The following RERE variants were observed in gnomAD, a reference collection of about 807,000 sequenced individuals.
The protein encoded by RERE is arginine-glutamic acid dipeptide repeats protein.
In RERE, 40 loss-of-function variants were observed where a neutral mutation model predicts 146.1. The ratio of observed to expected loss-of-function variants is 0.27; its 90% CI spans 0.21 to 0.36. The LOEUF is 0.36. RERE is among the 10% of genes least tolerant of loss of function. RERE has a pLI of 1.00. For missense variants in RERE, 1,933 were observed against 2,138.7 expected (o/e 0.90, Z 1.90); for synonymous variants, 1,003 against 866.0 (o/e 1.16, Z -2.78).
At chr1:8,425,087 G>A (rs1380919303) in intron 11 of RERE, 1 of 152,316 alleles carries the variant, frequency 6.6e-6, no homozygotes, top group Non-Finnish European at 1.5e-5. Flanking sequence ...CAGTGGCAGT[G>A]TGGCCTAAGT....
Position 8,525,746 on chromosome 1 carries a change from G to A in RERE, c.830+15468C>T, listed in dbSNP as rs746287657. Reference sequence around the variant, plus strand: ...CATCACTGTTTCGGTGAGGCCAGGGGAAGATAGCCTACCTGCAGGGGCTGA... The same window carrying A: ...CATCACTGTTTCGGTGAGGCCAGGGAAAGATAGCCTACCTGCAGGGGCTGA... On this transcript the variant is annotated intron_variant, in intron 7 of 22. Coordinates refer to ENST00000400908, the MANE Select transcript of RERE (RefSeq NM_001042681.2). 5 of 1,595,220 alleles carry A rather than the reference G, an allele frequency of 3.1e-6. No homozygotes were observed. The African/African-American group carries it at 4.1e-5, about 13-fold the overall frequency.
At chr1:8,712,117 C>T (rs1170971738) in intron 1 of RERE, among the ~76,000 whole-genome samples, 1 of 152,168 alleles carries the variant, frequency 6.6e-6, no homozygotes, top group Non-Finnish European at 1.5e-5. Context: ...AAAATATACA[C>T]TCAAACATTA....
intron 8 of RERE, among the ~76,000 whole-genome samples, chr1:8,505,070 C>G (rs937991666): frequency 1.3e-5 from 2 of 152,136 alleles, no homozygotes; most frequent in Admixed American, 6.5e-5. Flanking sequence ...ATCTAGACTG[C>G]AGAACACCCT....
At chr1:8,489,593 A>ACC (rs1644949171) in intron 10 of RERE, among the ~76,000 whole-genome samples, 1 of 152,190 alleles carries the variant, frequency 6.6e-6, no homozygotes, top group African/African-American at 2.4e-5. Context: ...CAACCCTATT[A>ACC]AATTAGGAAA....
At chr1:8,415,665 G>A (rs778422503) in intron 12 of RERE, among the ~76,000 whole-genome samples, 11 of 152,222 alleles carry the variant, frequency 7.2e-5, no homozygotes, top group African/African-American at 1.4e-4. Flanking sequence ...AGTCTCTTAC[G>A]TACTTCACTT....
intron 12 of RERE, among the ~76,000 whole-genome samples, chr1:8,418,726 A>C (rs753102738): frequency 2.0e-5 from 3 of 152,196 alleles, no homozygotes; most frequent in Non-Finnish European, 4.4e-5. Context: ...AAATCAAACA[A>C]AAAATTATTT....
chr1:8,364,713 G>T lies in RERE; in HGVS notation c.1540+33C>A. ...AGAACATGGAAGTGCTTGTGCCCCC[G>T]CCCCGCCCCAGGAGCGTGACGAGGC... On this transcript the variant is annotated intron_variant, in intron 14 of 22. Coordinates refer to ENST00000400908, the MANE Select transcript of RERE (RefSeq NM_001042681.2). This position sits in a 1 kb window ranked among gnomAD's most constrained non-coding sequence, Gnocchi z 5.1. 1 of 1,534,722 alleles carries T rather than the reference G, an allele frequency of 6.5e-7. No individual in the cohort carries two copies. The highest frequency in any genetic ancestry group is 1.7e-4 in the Middle Eastern group (1 of 5,906).
chr1:8,408,912 TG>T (rs1487001411), intron 12 of RERE, among the ~76,000 whole-genome samples: 2 of 152,118 alleles, frequency 1.3e-5, no homozygotes, highest in African/African-American at 4.8e-5. Flanking sequence ...ATGCTGTGTT[TG>T]GGGGTCCCCC....
intron 1 of RERE, among the ~76,000 whole-genome samples, chr1:8,736,851 G>GAAAAAAAAA (rs34872965): frequency 1.0e-5 from 1 of 99,806 alleles, no homozygotes; most frequent in Non-Finnish European, 2.0e-5. Context: ...AAGCAAGGGG[G>GAAAAAAAAA]AAAAAAAAAA....
chr1:8,710,106 T>C (rs2124454881), intron 1 of RERE, among the ~76,000 whole-genome samples: 1 of 152,334 alleles, frequency 6.6e-6, no homozygotes, highest in Non-Finnish European at 1.5e-5. Flanking sequence ...TCAAGCTGTT[T>C]CTGTGTTTGT....
chr1:8,459,578 G>C (rs1644499814), intron 11 of RERE, among the ~76,000 whole-genome samples: 1 of 152,136 alleles, frequency 6.6e-6, no homozygotes, highest in Non-Finnish European at 1.5e-5. Context: ...TAATTTCAAT[G>C]TTCTGACTCA....
chr1:8,379,092 C>A (rs933079299), intron 12 of RERE, among the ~76,000 whole-genome samples: 6 of 152,226 alleles, frequency 3.9e-5, no homozygotes, highest in African/African-American at 1.4e-4. Flanking sequence ...AACTCCAGAA[C>A]AGCTCTCAGA....
chr1:8,697,883 C>T (rs1639368698), intron 1 of RERE, among the ~76,000 whole-genome samples: 1 of 152,062 alleles, frequency 6.6e-6, no homozygotes, highest in Non-Finnish European at 1.5e-5. Context: ...AAAAAAAGTT[C>T]ATATTAGGGA....
At position 8,375,444 on chromosome 1, in the gene RERE, C is replaced by T. The variant is rs540705135; in HGVS notation, c.1285-9470G>A. On this transcript the variant is annotated intron_variant, in intron 12 of 22. Transcript: ENST00000400908. ...GCCAGTGAAAACGCAATCCACATGC[C>T]GATGTTTGGAAGTGGCTGCTCTGAA... Among the ~76,000 whole-genome samples, 7 of 152,324 alleles carry T rather than the reference C, an allele frequency of 4.6e-5. No homozygotes were observed. In the East Asian group the frequency reaches 5.8e-4, roughly 13 times the overall value.
chr1:8,812,410 G>A (rs1641829004), intron 1 of RERE, among the ~76,000 whole-genome samples: 1 of 152,222 alleles, frequency 6.6e-6, no homozygotes, highest in Non-Finnish European at 1.5e-5. Context: ...CCTTTAGGAA[G>A]CCAAGGCAGG....
At chr1:8,401,391 G>A (rs780556464) in intron 12 of RERE, among the ~76,000 whole-genome samples, 28 of 151,588 alleles carry the variant, frequency 1.8e-4, no homozygotes, top group Non-Finnish European at 3.4e-4. Flanking sequence ...GCAGTGAGCC[G>A]AGATCCTGCC....
chr1:8,365,914 C>T lies in RERE; in HGVS notation c.1345G>A (p.Ala449Thr), dbSNP rs1483445484. ...GCCTGCCTGCGGTGCCTACGATGGGCTCGGGAGCTGGCTGCTTCGGGGGTC... is the reference window on the plus strand; with the variant it reads ...GCCTGCCTGCGGTGCCTACGATGGGTTCGGGAGCTGGCTGCTTCGGGGGTC... ...KKTPEAASSR[A>T]HRRHRRQAVF... Residue 449 changes from alanine to threonine, a missense_variant, in exon 13 of 23, where the codon GCC becomes ACC. Ala to Thr is a moderately conservative substitution (Grantham distance 58). Around this residue, in one of 11 missense-constraint regions of RERE, gnomAD observed 260 missense variants for 378.4 expected, o/e 0.69. Transcript: ENST00000400908. 3.7e-6 allele frequency: 6 copies of T among 1,614,144 alleles called. No homozygotes were observed. The highest frequency in any genetic ancestry group is 5.1e-6 in the Non-Finnish European group (6 of 1,180,040).
At chr1:8,602,553 T>C (rs1453114328) in intron 4 of RERE, among the ~76,000 whole-genome samples, 2 of 150,480 alleles carry the variant, frequency 1.3e-5, no homozygotes, top group African/African-American at 2.4e-5. Context: ...TTGAGCTATA[T>C]ACCGATGTCT....
Position 8,354,998 on chromosome 1 carries a change from T to G in RERE, c.*89A>C. On this transcript the variant is annotated 3_prime_UTR_variant, in exon 23 of 23. Coordinates refer to ENST00000400908, the MANE Select transcript of RERE (RefSeq NM_001042681.2). The stretch of plus-strand genomic sequence containing the variant: ...AGAAATCTTTAGAAGATATTCTTTT[T>G]GCTTTTGCAGCTCCTATTTTATGTA... 1 of 1,031,828 alleles carries G rather than the reference T, an allele frequency of 9.7e-7. No homozygotes were observed. Among genetic ancestry groups the G allele is most frequent in the Non-Finnish European group, 1.5e-6 (1 of 676,236 alleles). 63.9% of individuals were successfully genotyped at this position (1,031,828 alleles called of 1,614,324 possible). A position where few individuals can be genotyped will look rare whatever the true frequency, so the allele number is the denominator to read the frequency against.
Sources: gnomAD v4.1 joint callset for allele counts (sites outside exome capture counted in the v4.1 genomes callset) on GRCh38, gnomAD v4.1.1 for gene constraint, gnomAD v4.1.1 regional missense constraint, Gnocchi (gnomAD v3.1) non-coding constraint, MANE v1.5 for transcripts, NCBI Gene and HGNC (gene_info 2026-07-23, HGNC 2026-07-21) for gene names.